The following PDGFD variants were observed in gnomAD, a reference collection of about 807,000 sequenced individuals.
PDGFD encodes platelet derived growth factor D, also known as platelet-derived growth factor D.
PDGFD carries 30 observed loss-of-function variants against 44.7 expected under a neutral mutation model. That is an observed-to-expected ratio of 0.67 (90% CI 0.50 to 0.91). PDGFD has a LOEUF of 0.91. Among genes scored for constraint, PDGFD ranks in the 40% least tolerant of loss-of-function variants. PDGFD has a pLI of 0.00. For missense variants in PDGFD, 445 were observed against 457.8 expected, an observed-to-expected ratio of 0.97 and a Z score of 0.25; for synonymous variants, 173 against 168.4, an observed-to-expected ratio of 1.03 and a Z score of -0.21.
chr11:104,008,276 T>C (rs1859733183), intron 1 of PDGFD, among the ~76,000 whole-genome samples: 1 of 151,798 alleles, frequency 6.6e-6, no homozygotes. Context: ...GGACTATGGG[T>C]AATAGATAAG....
At chr11:103,973,994 T>C (rs76308502) in intron 3 of PDGFD, among the ~76,000 whole-genome samples, 4,099 of 152,140 alleles carry the variant, frequency 0.027, 197 homozygotes, top group African/African-American at 0.094. Context: ...TCTCTTAGGC[T>C]GCTGTGGGGA....
intron 3 of PDGFD, among the ~76,000 whole-genome samples, chr11:103,993,835 T>C (rs1417582819): frequency 6.6e-6 from 1 of 152,144 alleles, no homozygotes; most frequent in East Asian, 1.9e-4. Context: ...CAGAAGCCTA[T>C]TAGGAGGCAA....
At chr11:103,977,948 G>A (rs1477795435) in intron 3 of PDGFD, among the ~76,000 whole-genome samples, 3 of 152,006 alleles carry the variant, frequency 2.0e-5, no homozygotes, top group Non-Finnish European at 2.9e-5. Context: ...TGTTAGAAAA[G>A]GGTTAAAGAA....
At chr11:104,091,153 C>G (rs1438470344) in intron 1 of PDGFD, among the ~76,000 whole-genome samples, 1 of 152,130 alleles carries the variant, frequency 6.6e-6, no homozygotes, top group Non-Finnish European at 1.5e-5. Context: ...TTGGCTAAAA[C>G]CATGCTTGCT....
chr11:103,939,374 A>G (rs1179121201), intron 5 of PDGFD, among the ~76,000 whole-genome samples: 2 of 152,148 alleles, frequency 1.3e-5, no homozygotes, highest in Non-Finnish European at 2.9e-5. Flanking sequence ...ATTGGTGTAT[A>G]GGAATGCTTG....
At chr11:103,995,298 G>T (rs2134362561) in intron 3 of PDGFD, among the ~76,000 whole-genome samples, 1 of 152,286 alleles carries the variant, frequency 6.6e-6, no homozygotes, top group South Asian at 2.1e-4. Flanking sequence ...GCCTGACAAA[G>T]AACAGGAACT....
chr11:104,117,893 C>T (rs1290594515), intron 1 of PDGFD, among the ~76,000 whole-genome samples: 1 of 151,822 alleles, frequency 6.6e-6, no homozygotes, highest in Non-Finnish European at 1.5e-5. Context: ...TCCTAAAATT[C>T]ATATGGAACC....
chr11:104,026,405 T>C (rs1014385478), intron 1 of PDGFD, among the ~76,000 whole-genome samples: 5 of 152,230 alleles, frequency 3.3e-5, no homozygotes, highest in African/African-American at 4.8e-5. Context: ...AACCCATTTA[T>C]AATTTCCATC....
intron 1 of PDGFD, among the ~76,000 whole-genome samples, chr11:104,129,587 A>C (rs1861887637): frequency 6.6e-6 from 1 of 152,164 alleles, no homozygotes; most frequent in African/African-American, 2.4e-5. Context: ...GCTTCCTTAA[A>C]GCAGCAGGGT....
rs368854249 is a variant in PDGFD at position 104,093,765 on chromosome 11, T to C, written c.124+70039A>G. Among the ~76,000 whole-genome samples the C allele has an allele frequency of 4.6e-5, 7 of 151,628 alleles. No homozygotes were observed. In the South Asian group the frequency reaches 1.3e-3, roughly 27 times the overall value. On this transcript the variant is annotated intron_variant, in intron 1 of 6. Coordinates refer to ENST00000393158, the MANE Select transcript of PDGFD (RefSeq NM_025208.5). ...AATGTCATGGGCTCCACCCACCTTC[T>C]CCTTCTCCTTTCCTAACAAAGGCCA...
intron 5 of PDGFD, among the ~76,000 whole-genome samples, chr11:103,940,226 A>T (rs79638930): frequency 0.053 from 8,114 of 152,148 alleles, 233 homozygotes; most frequent in Middle Eastern, 0.065. Flanking sequence ...CATATTTTAA[A>T]TATTCCTGAT....
chr11:103,947,069 G>T (rs1214284042), intron 4 of PDGFD, among the ~76,000 whole-genome samples: 1 of 152,192 alleles, frequency 6.6e-6, no homozygotes, highest in African/African-American at 2.4e-5. Flanking sequence ...AACAAGGTCT[G>T]TTCTTTCTGT....
At chr11:103,920,791 T>C (rs961306095) in intron 6 of PDGFD, among the ~76,000 whole-genome samples, 2 of 152,226 alleles carry the variant, frequency 1.3e-5, no homozygotes, top group Admixed American at 1.3e-4. Flanking sequence ...ATGAGTGAAT[T>C]AACTTTTTTA....
chr11:104,004,191 A>G (rs1342822123), intron 1 of PDGFD, among the ~76,000 whole-genome samples: 4 of 152,138 alleles, frequency 2.6e-5, no homozygotes, highest in Non-Finnish European at 5.9e-5. Context: ...AACCTGTAGA[A>G]GGGGTGGGGA....
chr11:103,956,814 G>A (rs1858858446), intron 3 of PDGFD, among the ~76,000 whole-genome samples: 1 of 152,158 alleles, frequency 6.6e-6, no homozygotes, highest in Non-Finnish European at 1.5e-5. Flanking sequence ...GATGGCCAGT[G>A]ATGGTGAACA....
intron 1 of PDGFD, among the ~76,000 whole-genome samples, chr11:104,090,575 G>A (rs1214442353): frequency 6.6e-6 from 1 of 150,928 alleles, no homozygotes; most frequent in Non-Finnish European, 1.5e-5. Context: ...GTTGCAGTGA[G>A]CCGACATCAC....
At chr11:103,932,699 C>T (rs1205632619) in intron 5 of PDGFD, among the ~76,000 whole-genome samples, 1 of 152,176 alleles carries the variant, frequency 6.6e-6, no homozygotes, top group African/African-American at 2.4e-5. Context: ...AGCACAACAT[C>T]GTCTTTGTGC....
intron 1 of PDGFD, among the ~76,000 whole-genome samples, chr11:104,079,808 A>T (rs201020998): frequency 7.8e-4 from 36 of 45,984 alleles, no homozygotes; most frequent in African/African-American, 7.7e-3. Context: ...TATATATATA[A>T]AACCACATCC....
intron 1 of PDGFD, among the ~76,000 whole-genome samples, chr11:104,069,963 C>CT (rs1416997292): frequency 6.6e-6 from 1 of 152,218 alleles, no homozygotes; most frequent in Non-Finnish European, 1.5e-5. Context: ...CTTATGGATT[C>CT]TAACTTTATC....
Sources: allele counts gnomAD v4.1 joint callset (sites outside exome capture counted in the v4.1 genomes callset), GRCh38; gene constraint gnomAD v4.1.1; transcripts MANE v1.5; gene names NCBI Gene and HGNC (gene_info 2026-07-23, HGNC 2026-07-21).